SLC36A4: variants seen among roughly 807,000 people sequenced by gnomAD.
The protein encoded by SLC36A4 is solute carrier family 36 member 4.
In SLC36A4, 49 loss-of-function variants were observed where a neutral mutation model predicts 50.5. The ratio of observed to expected loss-of-function variants is 0.97; its 90% CI spans 0.77 to 1.23. The LOEUF (loss-of-function observed/expected upper bound fraction) is 1.23, where lower values mean the gene tolerates loss of function less well. SLC36A4 is among the 50% of genes most tolerant of loss of function. The probability of loss-of-function intolerance (pLI) is 0.00; values close to 1 mark genes in which losing one functional copy is unlikely to be tolerated. For synonymous variants in SLC36A4, 207 were observed against 206.5 expected (o/e 1.00, Z -0.02); for missense variants, 611 against 608.4 (o/e 1.00, Z -0.05).
Position 93,181,748 on chromosome 11 carries a change from C to G in SLC36A4, c.398G>C (p.Ser133Thr). 6.4e-7 allele frequency: 1 copy of G among 1,550,880 alleles called. No individual in the cohort carries two copies. Among genetic ancestry groups the G allele is most frequent in the Non-Finnish European group, 8.8e-7 (1 of 1,142,776 alleles). Reference protein sequence around the residue: ...KSTLGYSDTVSFAMEVSPWSC... With the variant: ...KSTLGYSDTVTFAMEVSPWSC... ...CCAAGGACTCACTTCCATAGCAAAG[C>G]TCACAGTGTCACTATAACCTAATGT... Residue 133 changes from serine to threonine, a missense_variant, in exon 5 of 11, where the codon AGC (serine) becomes ACC (threonine). Coordinates refer to ENST00000326402, the MANE Select transcript of SLC36A4 (RefSeq NM_152313.4).
intron 1 of SLC36A4, among the ~76,000 whole-genome samples, chr11:93,193,650 T>C (rs568528987): frequency 6.6e-6 from 1 of 152,268 alleles, no homozygotes; most frequent in South Asian, 2.1e-4. Context: ...TGCATACAAA[T>C]GGAACATTCT....
At chr11:93,177,848 C>T (rs527706958) in intron 6 of SLC36A4, among the ~76,000 whole-genome samples, 6 of 152,298 alleles carry the variant, frequency 3.9e-5, no homozygotes, top group East Asian at 1.9e-4. Flanking sequence ...GCAGTCTGTC[C>T]GTTCTCAGAT....
At chr11:93,184,369 G>C (rs1035582721) in intron 3 of SLC36A4, 61 bp downstream of exon 3, 3 of 989,004 alleles carry the variant, frequency 3.0e-6, no homozygotes, top group Non-Finnish European at 4.9e-6. Context: ...CCAGATATTA[G>C]GTTGCTATAA....
chr11:93,148,894 A>C, intron 10 of SLC36A4, 50 bp from the exon 11 acceptor site: 1 of 1,473,808 alleles, frequency 6.8e-7, no homozygotes, highest in Non-Finnish European at 9.3e-7. Context: ...TTTGTTACTT[A>C]CATGAATATT....
intron 2 of SLC36A4, chr11:93,185,397 A>AC (rs1226285407): frequency 4.5e-6 from 1 of 224,234 alleles, no homozygotes; most frequent in Non-Finnish European, 8.6e-6. Flanking sequence ...AGCATGTACT[A>AC]CCTCCTGATC....
intron 9 of SLC36A4, chr11:93,154,622 C>A (rs555486327): frequency 1.3e-5 from 2 of 153,800 alleles, no homozygotes; most frequent in African/African-American, 4.8e-5. Context: ...AAAAACTGAG[C>A]CTACTATATG....
rs150167843 is a variant in SLC36A4 at position 93,148,738 on chromosome 11, A to G, written c.1314T>C (p.Leu438=). ...ALILPPLVEI[L]TFSKEHYNIW... The stretch of plus-strand genomic sequence containing the variant: ...TATTATAATGTTCCTTCGAAAATGT[A>G]AGAATTTCAACCAAAGGTGGCAGGA... Residue 438 remains leucine (L), a synonymous_variant, in exon 11 of 11, where the codon CTT becomes CTC. Transcript: ENST00000326402. 587 of 1,613,022 alleles carry G rather than the reference A, an allele frequency of 3.6e-4. 2 individuals carry two copies. The Middle Eastern group carries it at 4.3e-3, about 12-fold the overall frequency.
intron 7 of SLC36A4, 107 bp downstream of exon 7, chr11:93,167,837 C>T (rs1486322348): frequency 5.9e-6 from 4 of 674,298 alleles, no homozygotes; most frequent in South Asian, 3.8e-5. Flanking sequence ...CTGTGTGCCA[C>T]ATATGAAGTA....
rs1202562949 is a variant in SLC36A4, at chr11:93,148,266, G to A, written c.*271C>T. On this transcript the variant is annotated 3_prime_UTR_variant, in exon 11 of 11. Coordinates refer to ENST00000326402, the MANE Select transcript of SLC36A4 (RefSeq NM_152313.4). ...TTCTTACTGAGATAAAAGAATAATA[G>A]AAGTATTTTTATTCTTTAATTTTTT... The A allele has an allele frequency of 3.7e-6, 1 of 269,634 alleles. No homozygotes were observed. The highest frequency in any genetic ancestry group is 6.9e-6 in the Non-Finnish European group (1 of 145,154). The allele number at this position is 269,634 out of a possible 1,614,324, so 16.7% of individuals were successfully genotyped here. A position where few individuals can be genotyped will look rare whatever the true frequency, so the allele number is the denominator to read the frequency against.
At chr11:93,172,692 G>A (rs1416623272) in intron 6 of SLC36A4, among the ~76,000 whole-genome samples, 21 of 139,482 alleles carry the variant, frequency 1.5e-4, no homozygotes, top group Non-Finnish European at 2.9e-4. Flanking sequence ...GAGAATATGC[G>A]GTGTTTGGTT....
rs150339897 is a variant in SLC36A4 at position 93,144,507 on chromosome 11, C to G, written c.*4030G>C. On this transcript the variant is annotated 3_prime_UTR_variant, in exon 11 of 11. Coordinates refer to ENST00000326402, the MANE Select transcript of SLC36A4 (RefSeq NM_152313.4). The stretch of plus-strand genomic sequence containing the variant: ...ATAGATTACTGATTTGTGTGTGTGT[C>G]TGCATATACTTGTGCACGCATGCAT... The G allele has an allele frequency of 6.6e-6, 1 of 152,048 alleles. No individual in the cohort carries two copies. Among genetic ancestry groups the G allele is most frequent in the East Asian group, 1.9e-4 (1 of 5,164 alleles). 9.4% of individuals were successfully genotyped at this position (152,048 alleles called of 1,614,324 possible). A position where few individuals can be genotyped will look rare whatever the true frequency, so the allele number is the denominator to read the frequency against.
At position 93,162,873 on chromosome 11, in the gene SLC36A4, G is replaced by C; in HGVS notation, c.870C>G (p.Val290=). 1 of 1,611,502 alleles carries C rather than the reference G, an allele frequency of 6.2e-7. No individual in the cohort carries two copies. The highest frequency in any genetic ancestry group is 8.5e-7 in the Non-Finnish European group (1 of 1,179,108). ...AVFAFEGIGV[V]LPLENQMKES... is the part of the protein sequence containing the mutation. ...CTTTCATTTGGTTTTCCAGTGGAAG[G>C]ACCTAAGAAAAGAATACAATACTTT... The change falls in exon 9 of 11, where the codon GTC becomes GTG. Residue 290 remains valine, a splice_region_variant and synonymous_variant. Coordinates refer to ENST00000326402, the MANE Select transcript of SLC36A4 (RefSeq NM_152313.4).
At chr11:93,189,047 A>C (rs1590987315) in intron 1 of SLC36A4, among the ~76,000 whole-genome samples, 1 of 147,664 alleles carries the variant, frequency 6.8e-6, no homozygotes, top group African/African-American at 2.5e-5. Flanking sequence ...GACCCTCCCT[A>C]CTCCAGCAAA....
intron 9 of SLC36A4, chr11:93,160,125 A>T (rs1860553108): frequency 2.0e-6 from 2 of 985,164 alleles, no homozygotes; most frequent in Non-Finnish European, 2.4e-6. Context: ...CACTTTACAG[A>T]ATGCCATGAC....
intron 8 of SLC36A4, 114 bp from the exon 9 acceptor site, chr11:93,162,989 T>A: frequency 1.3e-6 from 1 of 777,786 alleles, no homozygotes; most frequent in Non-Finnish European, 2.0e-6. Context: ...TTTTTTCCTT[T>A]AAAACACATA....
intron 5 of SLC36A4, 45 bp downstream of exon 5, chr11:93,181,646 A>G: frequency 7.3e-7 from 1 of 1,365,974 alleles, no homozygotes; most frequent in Non-Finnish European, 9.6e-7. Flanking sequence ...CTTAAAATTA[A>G]CATAATTTTA....
chr11:93,188,150 G>T (rs1862070426), intron 1 of SLC36A4, among the ~76,000 whole-genome samples: 1 of 152,132 alleles, frequency 6.6e-6, no homozygotes. Context: ...GATAATTTGA[G>T]GTTCATGGTA....
At chr11:93,178,572 G>A (rs542054352) in intron 6 of SLC36A4, among the ~76,000 whole-genome samples, 2 of 152,252 alleles carry the variant, frequency 1.3e-5, no homozygotes, top group South Asian at 2.1e-4. Context: ...AAGGAAAAGG[G>A]GTTAAGTTCT....
chr11:93,160,869 GTC>G (rs1860588051), intron 9 of SLC36A4: 1 of 650,874 alleles, frequency 1.5e-6, no homozygotes, highest in African/African-American at 2.0e-5. Context: ...GAGACAAAAT[GTC>G]TCTCTGTTTC....
Sources: gnomAD v4.1 joint callset for allele counts (sites outside exome capture counted in the v4.1 genomes callset) on GRCh38, gnomAD v4.1.1 for gene constraint, MANE v1.5 for transcripts, NCBI Gene and HGNC (gene_info 2026-07-23, HGNC 2026-07-21) for gene names.